Variants in BABAM2 observed in about 807,000 individuals in gnomAD.
BABAM2 encodes BRISC and BRCA1 A complex member 2.
BABAM2 carries 31 observed loss-of-function variants against 54.7 expected under a neutral mutation model. The ratio of observed to expected loss-of-function variants is 0.57; its 90% CI spans 0.43 to 0.77. BABAM2 has a LOEUF of 0.77. Among genes scored for constraint, BABAM2 ranks in the 30% least tolerant of loss-of-function variants. BABAM2 has a pLI of 0.00. For synonymous variants in BABAM2, 167 were observed against 162.9 expected (o/e 1.03, Z -0.19); for missense variants, 364 against 455.8 (o/e 0.80, Z 1.83).
At chr2:28,198,728 A>G (rs942640315) in intron 7 of BABAM2, among the ~76,000 whole-genome samples, 6 of 152,170 alleles carry the variant, frequency 3.9e-5, no homozygotes, top group African/African-American at 1.2e-4. Flanking sequence ...TTTCACTAAT[A>G]TCAGTGTTAC....
chr2:28,046,191 A>G (rs560533159), intron 6 of BABAM2, among the ~76,000 whole-genome samples: 15 of 152,198 alleles, frequency 9.9e-5, no homozygotes, highest in Non-Finnish European at 1.8e-4. Context: ...GCGGTGGCTC[A>G]TGCCTGTAAT....
chr2:28,290,225 G>A (rs149263665), intron 10 of BABAM2, among the ~76,000 whole-genome samples: 4 of 152,228 alleles, frequency 2.6e-5, no homozygotes, highest in South Asian at 2.1e-4. Context: ...GTATTTATCC[G>A]GTCTCCTGTT....
chr2:28,075,045 A>G (rs1447371790), intron 6 of BABAM2, among the ~76,000 whole-genome samples: 1 of 152,130 alleles, frequency 6.6e-6, no homozygotes, highest in Non-Finnish European at 1.5e-5. Flanking sequence ...GATTTTTTTC[A>G]GTTCACGGAC....
intron 10 of BABAM2, among the ~76,000 whole-genome samples, chr2:28,262,529 G>C (rs1349114889): frequency 6.6e-6 from 1 of 152,000 alleles, no homozygotes; most frequent in African/African-American, 2.4e-5. Context: ...AACTGTGATT[G>C]ATCCCAAGTA....
chr2:28,234,123 G>C (rs1444626681), intron 7 of BABAM2, among the ~76,000 whole-genome samples: 3 of 152,132 alleles, frequency 2.0e-5, no homozygotes, highest in Admixed American at 2.0e-4. Context: ...AGGCAAACCT[G>C]TGTTCAGATC....
intron 7 of BABAM2, among the ~76,000 whole-genome samples, chr2:28,177,675 C>G (rs1675152944): frequency 6.6e-6 from 1 of 151,208 alleles, no homozygotes; most frequent in South Asian, 2.1e-4. Context: ...ATTAAATTTT[C>G]CACTGAAAAG....
At chr2:28,194,503 C>T (rs984471411) in intron 7 of BABAM2, among the ~76,000 whole-genome samples, 3 of 150,668 alleles carry the variant, frequency 2.0e-5, no homozygotes, top group Non-Finnish European at 4.4e-5. Flanking sequence ...GTGACTATTA[C>T]TTATAAATAG....
chr2:28,077,330 A>C (rs1322154879), intron 6 of BABAM2, among the ~76,000 whole-genome samples: 5 of 152,186 alleles, frequency 3.3e-5, no homozygotes, highest in Admixed American at 3.3e-4. Flanking sequence ...TATATGCTTT[A>C]TGAACTTAAA....
At chr2:28,175,418 AC>A (rs1350373750) in intron 7 of BABAM2, among the ~76,000 whole-genome samples, 4 of 151,934 alleles carry the variant, frequency 2.6e-5, no homozygotes, top group Non-Finnish European at 5.9e-5. Context: ...TGGCACTGCT[AC>A]CCCCTCCCAG....
chr2:28,265,037 C>T (rs369592361), intron 10 of BABAM2, among the ~76,000 whole-genome samples: 1 of 152,220 alleles, frequency 6.6e-6, no homozygotes, highest in East Asian at 1.9e-4. Context: ...CAAGGGTGTA[C>T]TGACCAGTGG....
chr2:28,289,035 C>G (rs897918596), intron 10 of BABAM2, among the ~76,000 whole-genome samples: 2 of 148,688 alleles, frequency 1.3e-5, no homozygotes, highest in African/African-American at 4.9e-5. Context: ...CCCCCATTTT[C>G]AAAGTAATGT....
intron 6 of BABAM2, among the ~76,000 whole-genome samples, chr2:28,126,287 TC>T (rs1372272908): frequency 1.1e-5 from 1 of 92,666 alleles, no homozygotes; most frequent in East Asian, 3.6e-4. Flanking sequence ...ATGCTATCCC[TC>T]CCCCCTCCCC....
At chr2:27,962,578 G>C (rs1310496158) in intron 3 of BABAM2, among the ~76,000 whole-genome samples, 7 of 152,154 alleles carry the variant, frequency 4.6e-5, no homozygotes, top group African/African-American at 1.7e-4. Context: ...TTTAACTGTA[G>C]CTTTTGATTT....
At chr2:27,889,187 G>A (rs918127652), upstream of BABAM2, among the ~76,000 whole-genome samples, 15 of 152,282 alleles carry the variant, frequency 9.9e-5, no homozygotes, top group African/African-American at 3.1e-4. Context: ...TTTAAGGTAA[G>A]GTTAAATTGG....
rs530714861 is a variant in BABAM2 at position 28,166,466 on chromosome 2, A to G, written c.680+37086A>G. Among the ~76,000 whole-genome samples, 48 of 152,312 alleles carry G rather than the reference A, an allele frequency of 3.2e-4. No individual in the cohort carries two copies. The South Asian group carries it at 9.5e-3, about 30-fold the overall frequency. On this transcript the variant is annotated intron_variant, in intron 7 of 11. Transcript: ENST00000379624. ...GGGAGTAGGGGGAGGGGTGGATGCC[A>G]AACTAGTAAATCTGGATTTGGACCG...
intron 2 of BABAM2, among the ~76,000 whole-genome samples, chr2:27,928,452 T>C (rs2148347819): frequency 1.4e-5 from 1 of 69,124 alleles, no homozygotes; most frequent in East Asian, 2.3e-4. Context: ...GCCTGGCCAC[T>C]GTCTGGTTCT....
At chr2:28,130,930 A>C (rs1185724661) in intron 7 of BABAM2, among the ~76,000 whole-genome samples, 1 of 151,792 alleles carries the variant, frequency 6.6e-6, no homozygotes, top group African/African-American at 2.4e-5. Context: ...CATTAGAGAC[A>C]GAGTTTCACC....
rs774741483 is a variant in BABAM2 at position 28,338,719 on chromosome 2, G to A, written c.*206G>A. ...CCTGGATCCTAGAGCCCTTCACTTCGGGTTACTCCCTCTTTCTTGCCTCTA... is the reference window on the plus strand; with the variant it reads ...CCTGGATCCTAGAGCCCTTCACTTCAGGTTACTCCCTCTTTCTTGCCTCTA... On this transcript the variant is annotated 3_prime_UTR_variant, in exon 12 of 12. Transcript: ENST00000379624. 7 of 540,238 alleles carry A rather than the reference G, an allele frequency of 1.3e-5. No homozygotes were observed. Among genetic ancestry groups the A allele is most frequent in the Non-Finnish European group, 2.3e-5 (7 of 303,738 alleles). The allele number at this position is 540,238 out of a possible 1,614,324, so 33.5% of individuals were successfully genotyped here.
At chr2:28,192,199 T>G (rs1676988097) in intron 7 of BABAM2, among the ~76,000 whole-genome samples, 1 of 152,086 alleles carries the variant, frequency 6.6e-6, no homozygotes, top group South Asian at 2.1e-4. Context: ...CACGCCCAGC[T>G]AATTTTTTGT....
Sources: gnomAD v4.1 joint callset for allele counts (sites outside exome capture counted in the v4.1 genomes callset) on GRCh38, gnomAD v4.1.1 for gene constraint, MANE v1.5 for transcripts, NCBI Gene and HGNC (gene_info 2026-07-23, HGNC 2026-07-21) for gene names.